The following PSMA6 variants were observed in gnomAD, a reference collection of about 807,000 sequenced individuals.
PSMA6 encodes proteasome 20S subunit alpha 6.
For synonymous variants in PSMA6, 88 were observed against 97.7 expected, an observed-to-expected ratio of 0.90 and a Z score of 0.59; for missense variants, 170 against 294.8, an observed-to-expected ratio of 0.58 and a Z score of 3.10.
intron 1 of PSMA6, among the ~76,000 whole-genome samples, chr14:35,296,531 A>G (rs1455530017): frequency 3.3e-5 from 5 of 152,030 alleles, no homozygotes; most frequent in Non-Finnish European, 5.9e-5. Flanking sequence ...GGGTTTCACT[A>G]TGTTGGCCAG....
rs139135948 is a variant in PSMA6 at position 35,299,106 on chromosome 14, A to G, written c.76+6554A>G. Among the ~76,000 whole-genome samples the G allele has an allele frequency of 6.2e-3, 950 of 152,230 alleles. 11 individuals carry two copies. The highest frequency in any genetic ancestry group is 0.022 in the African/African-American group (898 of 41,538). On this transcript the variant is annotated intron_variant, in intron 1 of 6. Transcript: ENST00000261479. ...CAGTGGTGTAATCATAGCTCACTGT[A>G]GCCTCAAACTCTTGCACTCAAGAAA...
In PSMA6 at chr14:35,304,458, C is replaced by T. The variant is rs549978549; in HGVS notation, c.77-3536C>T. Among the ~76,000 whole-genome samples the T allele has an allele frequency of 3.0e-4, 46 of 152,210 alleles. No homozygotes were observed. In the South Asian group the frequency reaches 8.9e-3, roughly 30 times the overall value. On this transcript the variant is annotated intron_variant, in intron 1 of 6. Coordinates refer to ENST00000261479, the MANE Select transcript of PSMA6 (RefSeq NM_002791.3). Reference sequence around the variant, plus strand: ...AGTTATTTGTAGTGTAGGCTGAGCGCGGTCGCTCACACCTGTAATCCCAGC... The same window carrying T: ...AGTTATTTGTAGTGTAGGCTGAGCGTGGTCGCTCACACCTGTAATCCCAGC...
rs1594394651 is a variant in PSMA6 at position 35,312,707 on chromosome 14, C to T, written c.410-174C>T. 8 of 483,990 alleles carry T rather than the reference C, an allele frequency of 1.7e-5. No homozygotes were observed. The East Asian group carries it at 2.0e-4, about 12-fold the overall frequency. The allele number at this position is 483,990 out of a possible 1,614,324, so 30.0% of individuals were successfully genotyped here. A position where few individuals can be genotyped will look rare whatever the true frequency, so the allele number is the denominator to read the frequency against. On this transcript the variant is annotated intron_variant, in intron 4 of 6. Coordinates refer to ENST00000261479, the MANE Select transcript of PSMA6 (RefSeq NM_002791.3). ...TTGTGAAATGGGAATTTACCTGTTA[C>T]CTAATTTACCTGTGGTGATAACCTG... is the stretch of plus-strand genomic sequence containing the variant.
chr14:35,283,375 A>AG (rs1176433310), intron 1 of PSMA6, among the ~76,000 whole-genome samples: 10 of 151,684 alleles, frequency 6.6e-5, no homozygotes, highest in Non-Finnish European at 1.2e-4. Flanking sequence ...AAAAAAAAAA[A>AG]AAAGAGAGAG....
intron 1 of PSMA6, among the ~76,000 whole-genome samples, chr14:35,304,513 T>G (rs976340905): frequency 6.6e-6 from 1 of 152,038 alleles, no homozygotes; most frequent in Non-Finnish European, 1.5e-5. Context: ...GTGTACTACC[T>G]GAGGTCAGGA....
At chr14:35,300,391 T>G (rs953708847) in intron 1 of PSMA6, among the ~76,000 whole-genome samples, 8 of 152,118 alleles carry the variant, frequency 5.3e-5, no homozygotes, top group Non-Finnish European at 8.8e-5. Context: ...GAGGATTGCT[T>G]GAGCCGAAAG....
At chr14:35,286,499 C>T (rs1256874540) in intron 1 of PSMA6, among the ~76,000 whole-genome samples, 2 of 152,038 alleles carry the variant, frequency 1.3e-5, no homozygotes, top group Non-Finnish European at 2.9e-5. Context: ...AGCTGAGCAT[C>T]GGGTTTTCAT....
chr14:35,312,531 A>G (rs2051965094), intron 4 of PSMA6, among the ~76,000 whole-genome samples: 1 of 149,576 alleles, frequency 6.7e-6, no homozygotes, highest in Non-Finnish European at 1.5e-5. Flanking sequence ...AAAAAAAAAA[A>G]AGTGTTTTTG....
intron 1 of PSMA6, among the ~76,000 whole-genome samples, chr14:35,298,348 G>T (rs1441236113): frequency 1.3e-5 from 2 of 151,990 alleles, no homozygotes; most frequent in African/African-American, 4.8e-5. Flanking sequence ...AAATTAGCTG[G>T]GTGTGGTGGC....
At position 35,312,957 on chromosome 14, in the gene PSMA6, G is replaced by A. The variant is rs375160676; in HGVS notation, c.486G>A (p.Gly162=). The A allele has an allele frequency of 6.2e-4, 990 of 1,593,996 alleles. 15 individuals are homozygous for A. The South Asian group carries it at 0.011, about 17-fold the overall frequency. ...GTGATCCTGCAGGTTACTACTGTGG[G>A]TTTAAAGCCACTGCAGCGGGAGTTA... is the stretch of plus-strand genomic sequence containing the variant. The part of the protein sequence containing the change: ...YKCDPAGYYC[G]FKATAAGVKQ... Residue 162 remains glycine, a synonymous_variant, in exon 5 of 7, where the codon GGG becomes GGA. Coordinates refer to ENST00000261479, the MANE Select transcript of PSMA6 (RefSeq NM_002791.3).
intron 1 of PSMA6, among the ~76,000 whole-genome samples, chr14:35,295,478 T>A (rs1341157896): frequency 6.7e-6 from 1 of 149,670 alleles, no homozygotes; most frequent in Non-Finnish European, 1.5e-5. Context: ...TGAGACAGAG[T>A]TGCGCTCTTG....
chr14:35,314,267 T>G, intron 5 of PSMA6, 94 bp from the exon 6 acceptor site: 1 of 1,308,760 alleles, frequency 7.6e-7, no homozygotes, highest in Non-Finnish European at 1.0e-6. Flanking sequence ...AACATGGAGC[T>G]CCTGATTGAC....
chr14:35,312,836 T>C, intron 4 of PSMA6, 45 bp from the exon 5 acceptor site: 1 of 1,506,150 alleles, frequency 6.6e-7, no homozygotes, highest in Non-Finnish European at 8.9e-7. Context: ...GGAGATGTCA[T>C]TGTATAAAGC....
chr14:35,308,152 T>G (rs8012896), intron 2 of PSMA6, 64 bp downstream of exon 2: 182,826 of 1,581,336 alleles, frequency 0.12, 11,270 homozygotes, highest in Middle Eastern at 0.16. Context: ...CCAAGTGCAG[T>G]GGCTCACACC....
intron 4 of PSMA6, 78 bp downstream of exon 4, chr14:35,310,973 T>A: frequency 7.1e-7 from 1 of 1,407,744 alleles, no homozygotes; most frequent in Non-Finnish European, 9.8e-7. Flanking sequence ...ATTATTTAAA[T>A]AACACTTGAG....
intron 1 of PSMA6, among the ~76,000 whole-genome samples, chr14:35,294,707 T>C (rs543631170): frequency 1.6e-4 from 23 of 146,660 alleles, no homozygotes; most frequent in African/African-American, 2.5e-4. Flanking sequence ...TGGCCCCCCC[T>C]TTTTTTTTTG....
intron 1 of PSMA6, among the ~76,000 whole-genome samples, chr14:35,304,564 T>A (rs2051784989): frequency 6.6e-6 from 1 of 152,042 alleles, no homozygotes; most frequent in Admixed American, 6.6e-5. Context: ...ACCTCGTCTC[T>A]ACTAAAAATA....
chr14:35,292,338 G>C, upstream of PSMA6: 1 of 1,505,098 alleles, frequency 6.6e-7, no homozygotes, highest in Non-Finnish European at 8.9e-7. Context: ...CTCCAGAGCC[G>C]TGAGTTCGGC....
intron 1 of PSMA6, among the ~76,000 whole-genome samples, chr14:35,303,492 T>G (rs770150686): frequency 1.8e-4 from 28 of 152,312 alleles, no homozygotes; most frequent in Non-Finnish European, 3.2e-4. Context: ...GCTCTCAGAT[T>G]ATGAGCCACA....
Sources: allele counts gnomAD v4.1 joint callset (sites outside exome capture counted in the v4.1 genomes callset), GRCh38; gene constraint gnomAD v4.1.1; transcripts MANE v1.5; gene names NCBI Gene and HGNC (gene_info 2026-07-23, HGNC 2026-07-21).